Variants in HSF5 observed in about 807,000 individuals in gnomAD.
The protein encoded by HSF5 is heat shock transcription factor 5.
HSF5 carries 5 observed loss-of-function variants against 50.8 expected under a neutral mutation model. That is an observed-to-expected ratio of 0.10 (90% confidence interval 0.05 to 0.21). HSF5 has a LOEUF of 0.21. Ranked by LOEUF, HSF5 falls within the 10% of genes least tolerant of loss-of-function variation. The pLI is 1.00. For synonymous variants in HSF5, 307 were observed against 307.4 expected (o/e 1.00, Z 0.02); for missense variants, 564 against 762.6 (o/e 0.74, Z 3.07).
At chr17:58,487,246 C>A (rs888157707) in intron 1 of HSF5, among the ~76,000 whole-genome samples, 1 of 152,206 alleles carries the variant, frequency 6.6e-6, no homozygotes, top group Non-Finnish European at 1.5e-5. Flanking sequence ...TTGTTCCATC[C>A]CGCCTTAACC....
At chr17:58,452,548 G>A (rs1038147038) in intron 5 of HSF5, among the ~76,000 whole-genome samples, 6 of 151,986 alleles carry the variant, frequency 3.9e-5, no homozygotes, top group Admixed American at 3.9e-4. Context: ...GGTGGCTCAT[G>A]CCTGTAATCG....
chr17:58,439,282 A>C lies in HSF5; in HGVS notation c.1721-16852T>G, dbSNP rs1462849899. Reference sequence around the variant, plus strand: ...AAGAAAGCCAATGGAAAAAAAAAACAAAAACAACAACAACCAAAAAAAAAA... The same window carrying C: ...AAGAAAGCCAATGGAAAAAAAAAACCAAAACAACAACAACCAAAAAAAAAA... On this transcript the variant is annotated intron_variant, in intron 5 of 5. Transcript: ENST00000323777. Among the ~76,000 whole-genome samples, 3 of 144,960 alleles carry C rather than the reference A, an allele frequency of 2.1e-5. No homozygotes were observed. In the East Asian group the frequency reaches 5.8e-4, roughly 28 times the overall value.
At chr17:58,433,203 G>A (rs1036908233) in intron 5 of HSF5, among the ~76,000 whole-genome samples, 3 of 152,200 alleles carry the variant, frequency 2.0e-5, no homozygotes, top group African/African-American at 4.8e-5. Context: ...GTTTCACCAT[G>A]TTGGCCAAGC....
chr17:58,476,419 G>A lies in HSF5; in HGVS notation c.925+3474C>T. Reference sequence around the variant, plus strand: ...TTCCTCATGCTGCCTCTTCCTGCCGGCTTTATTCTGAGTTTAACTTGAACG... The same window carrying A: ...TTCCTCATGCTGCCTCTTCCTGCCGACTTTATTCTGAGTTTAACTTGAACG... On this transcript the variant is annotated intron_variant, in intron 2 of 5. Coordinates refer to ENST00000323777, the MANE Select transcript of HSF5 (RefSeq NM_001080439.3). 4 of 1,040,566 alleles carry A rather than the reference G, an allele frequency of 3.8e-6. No homozygotes were observed. In the East Asian group the frequency reaches 7.1e-5, roughly 19 times the overall value. The allele number at this position is 1,040,566 out of a possible 1,614,324, so 64.5% of individuals were successfully genotyped here.
chr17:58,438,073 T>C (rs1008789850), intron 5 of HSF5, among the ~76,000 whole-genome samples: 5 of 152,098 alleles, frequency 3.3e-5, no homozygotes, highest in African/African-American at 4.8e-5. Flanking sequence ...AGCTGGATAT[T>C]ATCAACAGTT....
At chr17:58,484,080 T>C (rs1411289905) in intron 1 of HSF5, among the ~76,000 whole-genome samples, 4 of 152,116 alleles carry the variant, frequency 2.6e-5, no homozygotes, top group Non-Finnish European at 5.9e-5. Flanking sequence ...CTAATATTCT[T>C]GAACTTAAAG....
chr17:58,467,357 T>G (rs970888937), intron 2 of HSF5, among the ~76,000 whole-genome samples: 6 of 152,248 alleles, frequency 3.9e-5, no homozygotes, highest in Admixed American at 3.9e-4. Flanking sequence ...AACAACTATT[T>G]GGAGGGTGGA....
At chr17:58,456,784 G>T (rs1974717856) in intron 5 of HSF5, among the ~76,000 whole-genome samples, 1 of 152,168 alleles carries the variant, frequency 6.6e-6, no homozygotes, top group African/African-American at 2.4e-5. Context: ...AAGAATATGT[G>T]CTCTACAGGC....
At chr17:58,444,103 A>G (rs959227093) in intron 5 of HSF5, among the ~76,000 whole-genome samples, 2 of 152,266 alleles carry the variant, frequency 1.3e-5, no homozygotes, top group African/African-American at 4.8e-5. Context: ...TAAGTAGAAC[A>G]CATTCCATGT....
At chr17:58,459,968 A>G (rs1298591582) in intron 4 of HSF5, among the ~76,000 whole-genome samples, 1 of 152,142 alleles carries the variant, frequency 6.6e-6, no homozygotes, top group African/African-American at 2.4e-5. Context: ...GGCCCTCAAA[A>G]TTGTATAAGC....
rs547765534 is a variant in HSF5 at position 58,451,868 on chromosome 17, AAAC to A, written c.1720+6897_1720+6899del. ...GCAGAAATAAATAAAATAGTTTAAA[AAAC>A]AATATAAAAGATCACCAAAACAAAG... is the stretch of plus-strand genomic sequence containing the variant. On this transcript the variant is annotated intron_variant, in intron 5 of 5. Coordinates refer to ENST00000323777, the MANE Select transcript of HSF5 (RefSeq NM_001080439.3). Among the ~76,000 whole-genome samples, 27 of 152,124 alleles carry A rather than the reference AAAC, an allele frequency of 1.8e-4. No homozygotes were observed. In the South Asian group the frequency reaches 5.6e-3, roughly 32 times the overall value.
Position 58,466,982 on chromosome 17 carries a change from G to A in HSF5, c.926-3C>T, listed in dbSNP as rs1223220292. The A allele has an allele frequency of 3.8e-6, 6 of 1,596,332 alleles. No homozygotes were observed. Among genetic ancestry groups the A allele is most frequent in the African/African-American group, 1.3e-5 (1 of 74,492 alleles). ...AGGAGAACAGCACTGTAGCACAGCT[G>A]GAACAAATTCAAACACAGAAAAGCC... On this transcript the variant is annotated splice_polypyrimidine_tract_variant and splice_region_variant and intron_variant, in intron 2 of 5. Coordinates refer to ENST00000323777, the MANE Select transcript of HSF5 (RefSeq NM_001080439.3).
intron 5 of HSF5, among the ~76,000 whole-genome samples, chr17:58,439,036 G>A (rs755459912): frequency 1.3e-5 from 2 of 151,956 alleles, no homozygotes; most frequent in South Asian, 2.1e-4. Flanking sequence ...GGGTAGGTTG[G>A]TTGAGGTGGG....
rs543063018 is a variant in HSF5, at chr17:58,425,904, T to C, written c.1721-3474A>G. On this transcript the variant is annotated intron_variant, in intron 5 of 5. Transcript: ENST00000323777. ...CTGATGCTTGGGGCCCCTCCCACCC[T>C]CAGACATTCTAATTTAATTTAATTG... 2.5e-4 allele frequency among the ~76,000 whole-genome samples: 38 copies of C among 152,278 alleles called. 1 individual carries two copies. The South Asian group carries it at 7.7e-3, about 31-fold the overall frequency.
At chr17:58,450,022 C>CAAAAA (rs71143248) in intron 5 of HSF5, among the ~76,000 whole-genome samples, 12 of 76,512 alleles carry the variant, frequency 1.6e-4, no homozygotes, top group African/African-American at 2.3e-4. Flanking sequence ...GACTCCGTCT[C>CAAAAA]AAAAAAAAAA....
chr17:58,486,622 C>T (rs1352699840), intron 1 of HSF5, among the ~76,000 whole-genome samples: 1 of 152,182 alleles, frequency 6.6e-6, no homozygotes, highest in Non-Finnish European at 1.5e-5. Flanking sequence ...CTCTAATTTG[C>T]TTCAATGAAA....
intron 4 of HSF5, 89 bp downstream of exon 4, chr17:58,462,693 A>G: frequency 3.1e-6 from 4 of 1,292,642 alleles, no homozygotes; most frequent in Non-Finnish European, 4.3e-6. Flanking sequence ...ACCCAAATAA[A>G]ATCTGAACAA....
intron 2 of HSF5, among the ~76,000 whole-genome samples, chr17:58,468,351 T>G (rs527664723): frequency 1.3e-5 from 2 of 152,308 alleles, no homozygotes; most frequent in South Asian, 4.1e-4. Context: ...TGAGCCATGA[T>G]TGTGCCACTG....
At chr17:58,433,462 C>T (rs779919318) in intron 5 of HSF5, among the ~76,000 whole-genome samples, 9 of 151,988 alleles carry the variant, frequency 5.9e-5, no homozygotes, top group Non-Finnish European at 1.3e-4. Context: ...GACACCACTA[C>T]AAAGGTGATA....
Sources: allele counts gnomAD v4.1 joint callset (sites outside exome capture counted in the v4.1 genomes callset), GRCh38; gene constraint gnomAD v4.1.1; transcripts MANE v1.5; gene names NCBI Gene and HGNC (gene_info 2026-07-23, HGNC 2026-07-21).